Variants in CDK14 observed in about 807,000 individuals in gnomAD.
CDK14 encodes the protein cyclin dependent kinase 14.
A neutral mutation model predicts 60.7 loss-of-function variants in CDK14; 34 were observed. The observed-to-expected ratio is 0.56, with a 90% confidence interval of 0.43 to 0.75. CDK14 has a LOEUF of 0.75. Among genes scored for constraint, CDK14 ranks in the 30% least tolerant of loss-of-function variants. The pLI, the probability that CDK14 is intolerant of heterozygous loss-of-function variation, is 0.00. For missense variants in CDK14, 482 were observed against 564.1 expected (o/e 0.85, Z 1.47); for synonymous variants, 197 against 203.7 (o/e 0.97, Z 0.28).
chr7:91,109,761 G>T (rs899045578), intron 12 of CDK14, among the ~76,000 whole-genome samples: 1 of 151,958 alleles, frequency 6.6e-6, no homozygotes, highest in African/African-American at 2.4e-5. Flanking sequence ...GTAACAAAAG[G>T]TATGGCAGGC....
At chr7:90,729,934 T>A (rs978676049) in intron 3 of CDK14, among the ~76,000 whole-genome samples, 3 of 152,158 alleles carry the variant, frequency 2.0e-5, no homozygotes, top group African/African-American at 7.2e-5. Flanking sequence ...TGCAGGTTTG[T>A]TACATAGGTA....
At chr7:91,112,471 G>A in intron 12 of CDK14, 71 bp from the exon 13 acceptor site, 1 of 1,490,750 alleles carries the variant, frequency 6.7e-7, no homozygotes, top group Non-Finnish European at 9.0e-7. Flanking sequence ...AGAAAAATTA[G>A]GTAAGCTTTA....
intron 8 of CDK14, among the ~76,000 whole-genome samples, chr7:90,943,442 GAA>G (rs1793995219): frequency 6.6e-6 from 1 of 151,704 alleles, no homozygotes; most frequent in Non-Finnish European, 1.5e-5. Flanking sequence ...GTTTAGAGGA[GAA>G]ATTAATTCTT....
intron 2 of CDK14, among the ~76,000 whole-genome samples, chr7:90,632,965 T>C (rs1271701995): frequency 1.3e-5 from 2 of 152,072 alleles, no homozygotes; most frequent in East Asian, 3.9e-4. Flanking sequence ...GGCACATGCC[T>C]GTAGTCTGTA....
intron 3 of CDK14, among the ~76,000 whole-genome samples, chr7:90,728,416 A>G (rs1802720398): frequency 6.7e-6 from 1 of 149,760 alleles, no homozygotes; most frequent in Non-Finnish European, 1.5e-5. Context: ...TTTTTTTCCT[A>G]CCTTCTGGGT....
intron 5 of CDK14, among the ~76,000 whole-genome samples, chr7:90,838,658 T>C (rs544844532): frequency 3.3e-5 from 5 of 152,270 alleles, no homozygotes; most frequent in East Asian, 1.9e-4. Context: ...GTCTGTCTTA[T>C]GCAGTTGAGA....
intron 5 of CDK14, among the ~76,000 whole-genome samples, chr7:90,828,932 T>C (rs1789814971): frequency 6.6e-6 from 1 of 152,166 alleles, no homozygotes; most frequent in Admixed American, 6.5e-5. Context: ...GGGCAATTTA[T>C]AAACAAAGGA....
chr7:91,104,442 G>A (rs546166321), intron 12 of CDK14, among the ~76,000 whole-genome samples: 4 of 152,230 alleles, frequency 2.6e-5, no homozygotes, highest in Admixed American at 2.6e-4. Context: ...TGTTCTTTGT[G>A]AAAAATCTGC....
At chr7:91,062,985 G>A (rs1052449520) in intron 11 of CDK14, among the ~76,000 whole-genome samples, 8 of 152,158 alleles carry the variant, frequency 5.3e-5, no homozygotes, top group African/African-American at 1.7e-4. Context: ...AAGAGCAGAC[G>A]TAATGCCACA....
intron 9 of CDK14, among the ~76,000 whole-genome samples, chr7:90,961,049 A>G (rs1794589255): frequency 1.3e-5 from 2 of 152,184 alleles, no homozygotes; most frequent in Admixed American, 1.3e-4. Flanking sequence ...TCTTGCAGTT[A>G]GTAAATAGAG....
intron 10 of CDK14, among the ~76,000 whole-genome samples, chr7:91,013,242 G>A (rs924801690): frequency 6.6e-6 from 1 of 152,116 alleles, no homozygotes; most frequent in Non-Finnish European, 1.5e-5. Flanking sequence ...CCTTAGGGAG[G>A]TCTTACCAAG....
intron 2 of CDK14, chr7:90,632,326 A>C (rs1314044752): frequency 3.1e-6 from 1 of 323,952 alleles, no homozygotes. Flanking sequence ...GGCTGAATCA[A>C]GGATCTTTTG....
At chr7:90,632,526 A>G (rs769863437) in intron 2 of CDK14, 7 of 163,878 alleles carry the variant, frequency 4.3e-5, no homozygotes, top group Non-Finnish European at 8.3e-5. Flanking sequence ...TGTAGCCTGG[A>G]AAGCAGTTTT....
chr7:90,969,188 T>G (rs1297750206), intron 9 of CDK14, among the ~76,000 whole-genome samples: 1 of 152,182 alleles, frequency 6.6e-6, no homozygotes, highest in African/African-American at 2.4e-5. Context: ...ATCTCAGATA[T>G]TAGGTTGTTG....
chr7:91,087,012 C>T (rs1270495568), intron 12 of CDK14, among the ~76,000 whole-genome samples: 1 of 152,132 alleles, frequency 6.6e-6, no homozygotes, highest in Non-Finnish European at 1.5e-5. Context: ...GCCTTGACCT[C>T]CAGGGCTCAA....
chr7:91,036,001 A>G (rs970645965), intron 10 of CDK14, among the ~76,000 whole-genome samples: 14 of 151,810 alleles, frequency 9.2e-5, no homozygotes, highest in South Asian at 2.1e-4. Context: ...CTGCCACCGC[A>G]CCCGGCTAAT....
At chr7:90,775,780 TCTC>T (rs148721516) in intron 4 of CDK14, among the ~76,000 whole-genome samples, 60,310 of 138,104 alleles carry the variant, frequency 0.44, 13,847 homozygotes, top group East Asian at 0.8. Context: ...CCCCCACCCT[TCTC>T]CTACCTGGCT....
At chr7:90,781,880 G>A (rs749931096) in intron 4 of CDK14, among the ~76,000 whole-genome samples, 2 of 152,126 alleles carry the variant, frequency 1.3e-5, no homozygotes, top group Non-Finnish European at 2.9e-5. Context: ...TTTTGTCTTA[G>A]GATTGACTTG....
At chr7:91,118,246 T>C (rs1799671188) in intron 14 of CDK14, 38 bp downstream of exon 14, 1 of 952,788 alleles carries the variant, frequency 1.0e-6, no homozygotes, top group Non-Finnish European at 1.7e-6. Flanking sequence ...TAATATTTAA[T>C]GGATATTGAA....
Sources: gnomAD v4.1 joint callset for allele counts (sites outside exome capture counted in the v4.1 genomes callset) on GRCh38, gnomAD v4.1.1 for gene constraint, MANE v1.5 for transcripts, NCBI Gene and HGNC (gene_info 2026-07-23, HGNC 2026-07-21) for gene names.